IL7: variants seen among roughly 807,000 people sequenced by gnomAD.
IL7 encodes interleukin-7.
Under a neutral mutation model 21.6 loss-of-function variants are expected in IL7, and 3 were observed. That is an observed-to-expected ratio of 0.14 (90% confidence interval 0.06 to 0.36). The LOEUF (loss-of-function observed/expected upper bound fraction) is 0.36, where lower values mean the gene tolerates loss of function less well. Among genes scored for constraint, IL7 ranks in the 10% least tolerant of loss-of-function variants. The pLI, the probability that IL7 is intolerant of heterozygous loss-of-function variation, is 1.00. For synonymous variants in IL7, 62 were observed against 68.1 expected (o/e 0.91, Z 0.44); for missense variants, 175 against 200.2 (o/e 0.87, Z 0.76).
At chr8:78,708,365 G>T (rs1402957520) in intron 3 of IL7, among the ~76,000 whole-genome samples, 2 of 151,986 alleles carry the variant, frequency 1.3e-5, no homozygotes, top group East Asian at 3.9e-4. Flanking sequence ...TCATATGTTT[G>T]GTTGTTTGCT....
intron 2 of IL7, among the ~76,000 whole-genome samples, chr8:78,759,083 T>G (rs965046338): frequency 6.7e-6 from 1 of 150,306 alleles, no homozygotes; most frequent in African/African-American, 2.5e-5. Flanking sequence ...TTTTTTAATC[T>G]GGCTTTGTTA....
chr8:78,686,627 A>G, intron 3 of IL7: 1 of 1,455,128 alleles, frequency 6.9e-7, no homozygotes, highest in Non-Finnish European at 9.1e-7. Context: ...AATATTGTTG[A>G]CAGAAATGTT....
chr8:78,730,740 C>T (rs1811411582), downstream of IL7, among the ~76,000 whole-genome samples: 1 of 151,850 alleles, frequency 6.6e-6, no homozygotes, highest in Admixed American at 6.6e-5. Context: ...AGACAAAGAT[C>T]ATAATTCTTT....
chr8:78,675,595 C>T, downstream of IL7: 4 of 513,396 alleles, frequency 7.8e-6, no homozygotes, highest in Non-Finnish European at 1.4e-5. Context: ...CATATTTATC[C>T]TGACCTTTTT....
Position 78,762,462 on chromosome 8 carries a change from C to G in IL7, c.148-22380G>C, listed in dbSNP as rs1347556781. On this transcript the variant is annotated intron_variant, in intron 2 of 5. Coordinates refer to ENST00000263851, the MANE Select transcript of IL7 (RefSeq NM_000880.4). The stretch of plus-strand genomic sequence containing the variant: ...CCCGCCCGCCGGCCGGTCCAGCCCT[C>G]CCCTCCCCGCCTCCTCAGGGCAGTC... The G allele has an allele frequency of 1.9e-6, 3 of 1,546,236 alleles. No individual in the cohort carries two copies. The East Asian group carries it at 7.3e-5, about 38-fold the overall frequency.
chr8:78,723,649 A>G (rs1312723337), intron 3 of IL7: 1 of 160,732 alleles, frequency 6.2e-6, no homozygotes, highest in Non-Finnish European at 1.5e-5. Flanking sequence ...TGCTTTCACA[A>G]AGGCCAAGAA....
At chr8:78,737,178 C>T (rs1209089136) in intron 4 of IL7, among the ~76,000 whole-genome samples, 3 of 152,090 alleles carry the variant, frequency 2.0e-5, no homozygotes. Flanking sequence ...AAATATATAA[C>T]ATACCTAAGA....
chr8:78,746,895 C>G, intron 2 of IL7: 1 of 359,334 alleles, frequency 2.8e-6, no homozygotes, highest in South Asian at 2.2e-5. Flanking sequence ...CATTCTTACC[C>G]AATTTCTGTA....
intron 1 of IL7, 119 bp downstream of exon 1, chr8:78,804,794 C>T: frequency 8.5e-7 from 1 of 1,172,990 alleles, no homozygotes; most frequent in Non-Finnish European, 1.2e-6. Context: ...CTCCGCAGGT[C>T]CAAAGTGCAA....
chr8:78,751,803 A>G (rs1490497465), intron 2 of IL7, among the ~76,000 whole-genome samples: 2 of 152,174 alleles, frequency 1.3e-5, no homozygotes, highest in Non-Finnish European at 2.9e-5. Context: ...CTTTCTGAGC[A>G]TATACAATAA....
chr8:78,707,438 A>G (rs1385243360), intron 3 of IL7, among the ~76,000 whole-genome samples: 1 of 152,204 alleles, frequency 6.6e-6, no homozygotes, highest in East Asian at 1.9e-4. Flanking sequence ...ATGCTGTGAC[A>G]TATTGTCTGA....
chr8:78,789,893 C>T (rs1255366059), intron 2 of IL7, among the ~76,000 whole-genome samples: 1 of 152,086 alleles, frequency 6.6e-6, no homozygotes, highest in African/African-American at 2.4e-5. Flanking sequence ...GAAGCAGGAA[C>T]AGGCTAAATG....
chr8:78,754,084 A>C (rs574328224), intron 2 of IL7, among the ~76,000 whole-genome samples: 22 of 152,300 alleles, frequency 1.4e-4, no homozygotes, highest in Non-Finnish European at 2.8e-4. Context: ...AGGATATTCA[A>C]ATAGGAAGAG....
At chr8:78,735,945 CATAA>C (rs1811578303) in intron 5 of IL7, among the ~76,000 whole-genome samples, 1 of 151,558 alleles carries the variant, frequency 6.6e-6, no homozygotes, top group Non-Finnish European at 1.5e-5. Flanking sequence ...TTAAGTCATT[CATAA>C]ATATTTTCCA....
At chr8:78,746,574 C>T (rs1811984635) in intron 2 of IL7, among the ~76,000 whole-genome samples, 1 of 152,176 alleles carries the variant, frequency 6.6e-6, no homozygotes, top group South Asian at 2.1e-4. Flanking sequence ...CTAATCCACA[C>T]TCAAGAGGAG....
intron 5 of IL7, among the ~76,000 whole-genome samples, chr8:78,735,276 C>CTTTTTTTTTTTTTTTTTTTCT: frequency 1.3e-5 from 1 of 78,518 alleles, no homozygotes; most frequent in Non-Finnish European, 2.3e-5. Flanking sequence ...CTTTTCTTTT[C>CTTTTTTTTTTTTTTTTTTTCT]TTTTTTTTTT....
At chr8:78,730,710 C>T (rs567440972), downstream of IL7, among the ~76,000 whole-genome samples, 4 of 152,008 alleles carry the variant, frequency 2.6e-5, no homozygotes, top group Non-Finnish European at 5.9e-5. Context: ...TCTAGCTTTT[C>T]CCCTTAGGAG....
At chr8:78,732,463 A>G (rs1439564109), downstream of IL7, among the ~76,000 whole-genome samples, 2 of 152,128 alleles carry the variant, frequency 1.3e-5, no homozygotes, top group Non-Finnish European at 2.9e-5. Flanking sequence ...CTAGATGGTG[A>G]TGAGGCTGAG....
intron 2 of IL7, among the ~76,000 whole-genome samples, chr8:78,786,055 G>C (rs1251306401): frequency 6.6e-6 from 1 of 152,168 alleles, no homozygotes; most frequent in Non-Finnish European, 1.5e-5. Flanking sequence ...AGAAGGTATA[G>C]AGATTCCTCA....
Sources: gnomAD v4.1 joint callset for allele counts (sites outside exome capture counted in the v4.1 genomes callset) on GRCh38, gnomAD v4.1.1 for gene constraint, MANE v1.5 for transcripts, NCBI Gene and HGNC (gene_info 2026-07-23, HGNC 2026-07-21) for gene names.